The following BRWD3 variants were observed in gnomAD, a reference collection of about 807,000 sequenced individuals.
The protein encoded by BRWD3 is bromodomain and WD repeat domain containing 3.
A neutral mutation model predicts 149.7 loss-of-function variants in BRWD3; 10 were observed. The ratio of observed to expected loss-of-function variants is 0.07; its 90% CI spans 0.04 to 0.11. BRWD3 has a LOEUF of 0.11. Ranked by LOEUF, BRWD3 falls within the 10% of genes least tolerant of loss-of-function variation. The pLI is 1.00. For missense variants in BRWD3, 940 were observed against 1,373.2 expected (o/e 0.68, Z 4.99); for synonymous variants, 504 against 456.7 (o/e 1.10, Z -1.32).
intron 5 of BRWD3, 39 bp from the exon 6 acceptor site, chrX:80,791,991 G>GT (rs759668223): frequency 0.016 from 11,722 of 739,848 alleles, no homozygotes; most frequent in Non-Finnish European, 0.018. Flanking sequence ...GAATAGAGCA[G>GT]TTTTTTTTTT....
At position 80,676,294 on chromosome X, in the gene BRWD3, C is replaced by A; in HGVS notation, c.*315G>T. On this transcript the variant is annotated 3_prime_UTR_variant, in exon 41 of 41. Coordinates refer to ENST00000373275, the MANE Select transcript of BRWD3 (RefSeq NM_153252.5). ...GCTACTCTTAAGAAGCTGAATGCTC[C>A]TTTAATGTAGTAAATCTGTAGTGTC... 3.3e-6 allele frequency: 1 copy of A among 299,701 alleles called. No homozygotes were observed. The highest frequency in any genetic ancestry group is 5.9e-6 in the Non-Finnish European group (1 of 170,849). The allele number at this position is 299,701 out of a possible 1,213,427, so 24.7% of individuals were successfully genotyped here. A position where few individuals can be genotyped will look rare whatever the true frequency, so the allele number is the denominator to read the frequency against.
In BRWD3 at chrX:80,710,194, C is replaced by T. The variant is rs963028759; in HGVS notation, c.2326-617G>A. ...GTAATTTTATGTGCCAGGAGTGTTTCGATTCCAGATTTGTATCTGATAGAC... is the reference window on the plus strand; with the variant it reads ...GTAATTTTATGTGCCAGGAGTGTTTTGATTCCAGATTTGTATCTGATAGAC... On this transcript the variant is annotated intron_variant, in intron 20 of 40. Coordinates refer to ENST00000373275, the MANE Select transcript of BRWD3 (RefSeq NM_153252.5). 23 of 464,618 alleles carry T rather than the reference C, an allele frequency of 5.0e-5. No homozygotes were observed. The South Asian group carries it at 5.7e-4, about 12-fold the overall frequency. The allele number at this position is 464,618 out of a possible 1,213,427, so 38.3% of individuals were successfully genotyped here. A position where few individuals can be genotyped will look rare whatever the true frequency, so the allele number is the denominator to read the frequency against.
intron 17 of BRWD3, among the ~76,000 whole-genome samples, chrX:80,721,923 C>T (rs760897949): frequency 2.7e-5 from 3 of 111,649 alleles, no homozygotes; most frequent in Non-Finnish European, 5.6e-5. Flanking sequence ...CTTGGCTCAC[C>T]GCAACCTCTG....
chrX:80,757,626 TTG>T (rs1299828312), intron 6 of BRWD3, among the ~76,000 whole-genome samples: 2 of 112,422 alleles, frequency 1.8e-5, no homozygotes, highest in Admixed American at 1.9e-4. Context: ...TCAGAATCCA[TTG>T]TCTCTTAGAT....
At chrX:80,691,246 A>G (rs765351984) in intron 30 of BRWD3, 73 bp from the exon 31 acceptor site, 1 of 1,058,894 alleles carries the variant, frequency 9.4e-7, no homozygotes, top group Non-Finnish European at 1.3e-6. Context: ...ACATTTATTC[A>G]TATATAAACA....
rs2073183292 is a variant in BRWD3, at chrX:80,723,728, C to T, written c.1650+20G>A. On this transcript the variant is annotated intron_variant, in intron 16 of 40. Coordinates refer to ENST00000373275, the MANE Select transcript of BRWD3 (RefSeq NM_153252.5). Reference sequence around the variant, plus strand: ...CACAATCCTAAATTATACTCTACAGCAAAATTTAAATATGCTAACCTTTTC... The same window carrying T: ...CACAATCCTAAATTATACTCTACAGTAAAATTTAAATATGCTAACCTTTTC... 1 of 1,206,372 alleles carries T rather than the reference C, an allele frequency of 8.3e-7. No homozygotes were observed. The highest frequency in any genetic ancestry group is 1.1e-6 in the Non-Finnish European group (1 of 892,235).
rs1371061616 is a variant in BRWD3, at chrX:80,732,131, A to T, written c.1127+1325T>A. ...CGTGTATAAGGTATATATGAAACAT[A>T]AATGAACTGTGTTTAGACTTGGGTT... On this transcript the variant is annotated intron_variant, in intron 12 of 40. Coordinates refer to ENST00000373275, the MANE Select transcript of BRWD3 (RefSeq NM_153252.5). Among the ~76,000 whole-genome samples, 13 of 111,377 alleles carry T rather than the reference A, an allele frequency of 1.2e-4. No individual in the cohort carries two copies. In the Admixed American group the frequency reaches 1.2e-3, roughly 11 times the overall value.
chrX:80,751,345 G>A (rs2073664858), intron 6 of BRWD3, among the ~76,000 whole-genome samples: 1 of 111,723 alleles, frequency 9.0e-6, no homozygotes, highest in Non-Finnish European at 1.9e-5. Flanking sequence ...ATCAAAACAT[G>A]ACATTGTACG....
chrX:80,680,946 T>C (rs1247458331), intron 40 of BRWD3, among the ~76,000 whole-genome samples: 1 of 107,036 alleles, frequency 9.3e-6, no homozygotes, highest in Non-Finnish European at 1.9e-5. Flanking sequence ...TAGGTATGAG[T>C]TGTATGCCAC....
intron 6 of BRWD3, among the ~76,000 whole-genome samples, chrX:80,783,794 C>T (rs1183085873): frequency 2.7e-5 from 3 of 111,156 alleles, no homozygotes; most frequent in African/African-American, 6.5e-5. Context: ...TACTGGAGAA[C>T]GTTATATTAA....
intron 12 of BRWD3, 79 bp from the exon 13 acceptor site, chrX:80,730,099 A>T: frequency 1.5e-6 from 1 of 648,702 alleles, no homozygotes; most frequent in Non-Finnish European, 2.5e-6. Flanking sequence ...GTAACACATT[A>T]GCCCTCACAT....
chrX:80,736,463 G>A (rs1336501909), intron 8 of BRWD3, among the ~76,000 whole-genome samples: 2 of 110,923 alleles, frequency 1.8e-5, no homozygotes, highest in East Asian at 5.6e-4. Context: ...AAACAACTGT[G>A]GAATTTTTAT....
rs1241792602 is a variant in BRWD3, at chrX:80,687,015, AATAG to A, written c.3865-16_3865-13del. 2 of 1,202,166 alleles carry A rather than the reference AATAG, an allele frequency of 1.7e-6. No individual in the cohort carries two copies. Among genetic ancestry groups the A allele is most frequent in the African/African-American group, 1.8e-5 (1 of 56,553 alleles). ...CCTCGGCATTTGACCTACAGATTTT[AATAG>A]AGTTATATCTAAAAGATCTTTCCTT... On this transcript the variant is annotated splice_polypyrimidine_tract_variant and intron_variant, in intron 34 of 40. Transcript: ENST00000373275.
chrX:80,803,545 C>T (rs1442078696), intron 4 of BRWD3, among the ~76,000 whole-genome samples: 1 of 111,832 alleles, frequency 8.9e-6, no homozygotes, highest in Non-Finnish European at 1.9e-5. Context: ...TTTCAGAGAG[C>T]GCGTGGTGGC....
rs759490285 is a variant in BRWD3 at position 80,723,733 on chromosome X, T to A, written c.1650+15A>T. On this transcript the variant is annotated intron_variant, in intron 16 of 40. Coordinates refer to ENST00000373275, the MANE Select transcript of BRWD3 (RefSeq NM_153252.5). ...TCCTAAATTATACTCTACAGCAAAATTTAAATATGCTAACCTTTTCGTAGT... is the reference window on the plus strand; with the variant it reads ...TCCTAAATTATACTCTACAGCAAAAATTAAATATGCTAACCTTTTCGTAGT... 11 of 1,207,671 alleles carry A rather than the reference T, an allele frequency of 9.1e-6. No individual in the cohort carries two copies. The highest frequency in any genetic ancestry group is 1.2e-5 in the Non-Finnish European group (11 of 893,311).
chrX:80,758,089 C>T (rs2073763325), intron 6 of BRWD3, among the ~76,000 whole-genome samples: 1 of 111,301 alleles, frequency 9.0e-6, no homozygotes, highest in Non-Finnish European at 1.9e-5. Context: ...ATCCCAGTTA[C>T]TCGGGAGGCT....
Position 80,696,804 on chromosome X carries a change from G to A in BRWD3, c.3003C>T (p.Cys1001=), listed in dbSNP as rs143902101. ...IKYEVGPPTL[C]CLKLAFLDPI... ...GGTCCAGAAATGCAAGCTTCAAGCA[G>A]CACAGTGTGGGTGGGCCAACCTCAT... Residue 1001 remains cysteine (C), a synonymous_variant, in exon 26 of 41, where the codon TGC becomes TGT. Transcript: ENST00000373275. The A allele has an allele frequency of 8.3e-6, 10 of 1,206,746 alleles. No individual in the cohort carries two copies. Among genetic ancestry groups the A allele is most frequent in the Non-Finnish European group, 1.1e-5 (10 of 892,696 alleles).
chrX:80,749,777 C>T (rs896652590), intron 6 of BRWD3, among the ~76,000 whole-genome samples: 3 of 111,440 alleles, frequency 2.7e-5, no homozygotes, highest in Non-Finnish European at 5.7e-5. Flanking sequence ...AGACCCCAAA[C>T]AGCTAAAACA....
At chrX:80,773,828 G>A (rs2073972693) in intron 6 of BRWD3, among the ~76,000 whole-genome samples, 1 of 111,931 alleles carries the variant, frequency 8.9e-6, no homozygotes, top group Non-Finnish European at 1.9e-5. Flanking sequence ...TTCTTGCAAT[G>A]CCCATTACAC....
Sources: gnomAD v4.1 joint callset for allele counts (sites outside exome capture counted in the v4.1 genomes callset) on GRCh38, gnomAD v4.1.1 for gene constraint, MANE v1.5 for transcripts, NCBI Gene and HGNC (gene_info 2026-07-23, HGNC 2026-07-21) for gene names.